SHTN1: variants seen among roughly 807,000 people sequenced by gnomAD.
SHTN1 encodes the protein shootin-1.
Under a neutral mutation model 83.1 loss-of-function variants are expected in SHTN1, and 42 were observed. That is an observed-to-expected ratio of 0.51 (90% CI 0.39 to 0.65). The LOEUF is 0.65. SHTN1 is among the 30% of genes least tolerant of loss of function. The pLI is 0.00. For missense variants in SHTN1, 622 were observed against 737.8 expected (o/e 0.84, Z 1.82); for synonymous variants, 224 against 247.7 (o/e 0.90, Z 0.90).
chr10:116,918,047 G>A (rs1046529751), intron 12 of SHTN1, among the ~76,000 whole-genome samples: 2 of 152,160 alleles, frequency 1.3e-5, no homozygotes, highest in African/African-American at 4.8e-5. Flanking sequence ...CCTACAGAGA[G>A]CTCATGGTAT....
chr10:116,933,081 A>G (rs571826169), intron 9 of SHTN1, among the ~76,000 whole-genome samples: 1 of 152,250 alleles, frequency 6.6e-6, no homozygotes, highest in East Asian at 1.9e-4. Flanking sequence ...CCTATTCTCC[A>G]GTTCTCTTTC....
At chr10:117,053,866 A>T (rs1852785498) in intron 1 of SHTN1, among the ~76,000 whole-genome samples, 1 of 152,224 alleles carries the variant, frequency 6.6e-6, no homozygotes, top group South Asian at 2.1e-4. Flanking sequence ...TCCACCAACA[A>T]ATGAAATAAA....
In SHTN1 at chr10:117,085,395, C is replaced by T. The variant is rs569306065; in HGVS notation, c.-188-36885G>A. On this transcript the variant is annotated intron_variant, in intron 1 of 17. Coordinates refer to the SHTN1 transcript ENST00000392901. ...AATTTCTCTTGCGATTTCTTCCTTGCCCCATGTGTTATTTGGAAGTGTGTT... is the reference window on the plus strand; with the variant it reads ...AATTTCTCTTGCGATTTCTTCCTTGTCCCATGTGTTATTTGGAAGTGTGTT... 7.2e-5 allele frequency among the ~76,000 whole-genome samples: 11 copies of T among 152,222 alleles called. No individual in the cohort carries two copies. In the East Asian group the frequency reaches 2.1e-3, roughly 29 times the overall value.
At chr10:117,014,073 A>G (rs1439170635) in intron 2 of SHTN1, among the ~76,000 whole-genome samples, 1 of 152,188 alleles carries the variant, frequency 6.6e-6, no homozygotes, top group Non-Finnish European at 1.5e-5. Flanking sequence ...GGTTCAATTT[A>G]TATGACATCA....
At chr10:116,991,348 T>A (rs1347706242) in intron 1 of SHTN1, among the ~76,000 whole-genome samples, 1 of 152,188 alleles carries the variant, frequency 6.6e-6, no homozygotes, top group Non-Finnish European at 1.5e-5. Context: ...AGCTGGGTCA[T>A]TTGTAAAGAA....
chr10:116,908,920 A>G (rs74159003), intron 14 of SHTN1, among the ~76,000 whole-genome samples: 9,027 of 152,184 alleles, frequency 0.059, 859 homozygotes, highest in African/African-American at 0.2. Flanking sequence ...CAGCTAACAT[A>G]TGAGTAAACT....
In SHTN1 at chr10:116,952,011, A is replaced by AT. The variant is rs759977939; in HGVS notation, c.437-6dup. ...ATACAATTTGATCTCGAAGTTCTGC[A>AT]TTTTTAAAGAAAAAAAATATATAAA... On this transcript the variant is annotated splice_region_variant and splice_polypyrimidine_tract_variant and intron_variant, in intron 5 of 16. Coordinates refer to ENST00000355371, the MANE Select transcript of SHTN1 (RefSeq NM_001127211.3). 13 of 1,435,950 alleles carry AT rather than the reference A, an allele frequency of 9.1e-6. No individual in the cohort carries two copies. In the East Asian group the frequency reaches 2.7e-4, roughly 29 times the overall value. 89.0% of individuals were successfully genotyped at this position (1,435,950 alleles called of 1,614,324 possible). A position where few individuals can be genotyped will look rare whatever the true frequency, so the allele number is the denominator to read the frequency against.
intron 2 of SHTN1, among the ~76,000 whole-genome samples, chr10:117,034,869 A>G (rs1311639050): frequency 1.3e-5 from 2 of 152,294 alleles, no homozygotes; most frequent in East Asian, 3.9e-4. Context: ...TTCATGAATT[A>G]GAATAATCAA....
chr10:116,927,373 T>C (rs118118300), intron 11 of SHTN1, among the ~76,000 whole-genome samples: 1,910 of 152,296 alleles, frequency 0.013, 16 homozygotes, highest in Admixed American at 0.024. Flanking sequence ...TCGGTAATTA[T>C]AAAGGAAAGA....
intron 2 of SHTN1, among the ~76,000 whole-genome samples, chr10:117,030,050 G>A (rs372834588): frequency 3.6e-4 from 55 of 151,940 alleles, no homozygotes; most frequent in African/African-American, 9.6e-4. Flanking sequence ...CATCACGCCC[G>A]GCTAATTTTT....
intron 11 of SHTN1, among the ~76,000 whole-genome samples, chr10:116,926,109 G>T (rs1295894314): frequency 6.6e-6 from 1 of 151,916 alleles, no homozygotes; most frequent in African/African-American, 2.4e-5. Flanking sequence ...CCTTATAAAA[G>T]AGTTCACACT....
intron 9 of SHTN1, among the ~76,000 whole-genome samples, chr10:116,930,669 G>C (rs1182478723): frequency 6.6e-6 from 1 of 152,150 alleles, no homozygotes; most frequent in African/African-American, 2.4e-5. Flanking sequence ...CTTTGCTGTT[G>C]CATATAGTGC....
intron 3 of SHTN1, among the ~76,000 whole-genome samples, chr10:116,967,438 T>G (rs889658112): frequency 6.6e-5 from 10 of 152,214 alleles, no homozygotes; most frequent in Admixed American, 4.6e-4. Flanking sequence ...AACCACTTTA[T>G]TAAGGTATAA....
intron 1 of SHTN1, among the ~76,000 whole-genome samples, chr10:117,096,473 G>A (rs1380104073): frequency 6.6e-6 from 1 of 152,264 alleles, no homozygotes; most frequent in African/African-American, 2.4e-5. Flanking sequence ...GTTATGTGAA[G>A]AAACATCACT....
chr10:117,054,650 G>A (rs542808135), intron 1 of SHTN1, among the ~76,000 whole-genome samples: 7 of 151,834 alleles, frequency 4.6e-5, no homozygotes, highest in Non-Finnish European at 8.8e-5. Context: ...CTTGTGATCC[G>A]CCCGTCTCGG....
chr10:116,893,951 A>C (rs1233568474), intron 16 of SHTN1, among the ~76,000 whole-genome samples: 2 of 152,250 alleles, frequency 1.3e-5, no homozygotes, highest in Non-Finnish European at 2.9e-5. Flanking sequence ...CCAGTAAATT[A>C]AAAAGCAGTA....
At chr10:117,017,104 G>GA (rs2133560608) in intron 2 of SHTN1, among the ~76,000 whole-genome samples, 1 of 152,184 alleles carries the variant, frequency 6.6e-6, no homozygotes, top group South Asian at 2.1e-4. Context: ...GCCAGAAAAA[G>GA]AAAAGAAGAA....
At chr10:116,900,431 C>T (rs1418106728) in intron 16 of SHTN1, 1 of 1,026,428 alleles carries the variant, frequency 9.7e-7, no homozygotes, top group South Asian at 1.4e-5. Flanking sequence ...AGACCTTGGG[C>T]CTGCAATTAT....
chr10:117,017,394 G>A (rs934524490), intron 2 of SHTN1, among the ~76,000 whole-genome samples: 136 of 151,426 alleles, frequency 9.0e-4, no homozygotes, highest in Non-Finnish European at 1.8e-3. Flanking sequence ...GGGAGGCTGA[G>A]GAAGGAGAAT....
Sources: gnomAD v4.1 joint callset for allele counts (sites outside exome capture counted in the v4.1 genomes callset) on GRCh38, gnomAD v4.1.1 for gene constraint, MANE v1.5 for transcripts, NCBI Gene and HGNC (gene_info 2026-07-23, HGNC 2026-07-21) for gene names.